The following CCSER1 variants were observed in gnomAD, a reference collection of about 807,000 sequenced individuals.
CCSER1 encodes the protein serine-rich coiled-coil domain-containing protein 1.
In CCSER1, 41 loss-of-function variants were observed where a neutral mutation model predicts 82.0. That is an observed-to-expected ratio of 0.50 (90% CI 0.39 to 0.65). The LOEUF (loss-of-function observed/expected upper bound fraction) is 0.65. Ranked by LOEUF, CCSER1 falls within the 30% of genes least tolerant of loss-of-function variation. The pLI is 0.00. For synonymous variants in CCSER1, 414 were observed against 383.9 expected (o/e 1.08, Z -0.92); for missense variants, 1,119 against 1,064.2 (o/e 1.05, Z -0.72).
At chr4:91,130,358 A>G (rs1727889506) in intron 10 of CCSER1, among the ~76,000 whole-genome samples, 10 of 151,956 alleles carry the variant, frequency 6.6e-5, no homozygotes, top group Admixed American at 6.6e-4. Flanking sequence ...ATTTGAATTT[A>G]TAAACTCTCC....
intron 9 of CCSER1, among the ~76,000 whole-genome samples, chr4:91,076,331 G>GTTT (rs60135071): frequency 2.7e-5 from 4 of 147,588 alleles, no homozygotes; most frequent in African/African-American, 7.5e-5. Flanking sequence ...CAACCATGCA[G>GTTT]TTTTTTTTTT....
intron 4 of CCSER1, among the ~76,000 whole-genome samples, chr4:90,466,831 A>G (rs1763708998): frequency 6.6e-6 from 1 of 152,212 alleles, no homozygotes; most frequent in Non-Finnish European, 1.5e-5. Context: ...AAACATGACT[A>G]TATCCTAGAA....
At chr4:91,485,735 C>A (rs1398061832) in intron 10 of CCSER1, among the ~76,000 whole-genome samples, 2 of 152,166 alleles carry the variant, frequency 1.3e-5, no homozygotes, top group Non-Finnish European at 1.5e-5. Context: ...GGCAGAAATT[C>A]TTGACTCTTA....
chr4:90,562,640 C>T (rs889829471), intron 5 of CCSER1, among the ~76,000 whole-genome samples: 27 of 151,916 alleles, frequency 1.8e-4, no homozygotes, highest in African/African-American at 2.4e-4. Context: ...CAGAATCAAA[C>T]GATTCTTCTG....
At chr4:90,707,616 C>T (rs1185257690) in intron 6 of CCSER1, among the ~76,000 whole-genome samples, 2 of 151,934 alleles carry the variant, frequency 1.3e-5, no homozygotes, top group Non-Finnish European at 2.9e-5. Context: ...CATCCATTAT[C>T]TCTCAAACTG....
rs931988200 is a variant in CCSER1 at position 91,132,902 on chromosome 4, C to T, written c.2217+46908C>T. Among the ~76,000 whole-genome samples the T allele has an allele frequency of 5.3e-5, 8 of 152,252 alleles. No homozygotes were observed. In the East Asian group the frequency reaches 1.4e-3, roughly 26 times the overall value. On this transcript the variant is annotated intron_variant, in intron 10 of 10. Transcript: ENST00000509176. ...TCTGCATTTTCATAACGTCAACAAG[C>T]AATATGAAATATTTACCACAATAAT...
At chr4:90,393,816 G>A (rs1314031249) in intron 3 of CCSER1, among the ~76,000 whole-genome samples, 3 of 116,948 alleles carry the variant, frequency 2.6e-5, no homozygotes, top group South Asian at 2.7e-4. Context: ...TTGCTCCATC[G>A]CCCATGCTGG....
intron 4 of CCSER1, among the ~76,000 whole-genome samples, chr4:90,407,966 A>G (rs1039072345): frequency 1.3e-5 from 2 of 152,154 alleles, no homozygotes; most frequent in Non-Finnish European, 2.9e-5. Context: ...GGGCCTAACA[A>G]ACGGCACACC....
intron 1 of CCSER1, among the ~76,000 whole-genome samples, chr4:90,303,095 A>G (rs1402306043): frequency 3.9e-5 from 6 of 152,204 alleles, no homozygotes; most frequent in South Asian, 2.1e-4. Flanking sequence ...GTAGATTTAT[A>G]TCTACTCCAG....
At chr4:90,972,268 A>T (rs9968476) in intron 9 of CCSER1, among the ~76,000 whole-genome samples, 18,687 of 151,846 alleles carry the variant, frequency 0.12, 1,340 homozygotes, top group East Asian at 0.24. Flanking sequence ...TAGAACTAAT[A>T]AATAAATTCA....
intron 5 of CCSER1, among the ~76,000 whole-genome samples, chr4:90,469,540 C>CACACACACAT (rs1560567715): frequency 1.3e-4 from 20 of 151,132 alleles, no homozygotes; most frequent in African/African-American, 4.9e-4. Context: ...CACACACACA[C>CACACACACAT]ACACACACAC....
At chr4:90,887,810 A>G (rs1200844743) in intron 8 of CCSER1, among the ~76,000 whole-genome samples, 2 of 152,156 alleles carry the variant, frequency 1.3e-5, no homozygotes, top group African/African-American at 4.8e-5. Context: ...TGAATCCGGG[A>G]GGCAGAGGTT....
At chr4:90,419,190 A>C (rs1756291069) in intron 4 of CCSER1, among the ~76,000 whole-genome samples, 1 of 151,956 alleles carries the variant, frequency 6.6e-6, no homozygotes, top group Admixed American at 6.6e-5. Context: ...TGAGGATGAA[A>C]TTGTGATCTC....
chr4:91,325,020 T>C (rs897687697), intron 10 of CCSER1: 7 of 371,710 alleles, frequency 1.9e-5, no homozygotes, highest in African/African-American at 4.3e-5. Flanking sequence ...GTTCTAGTGA[T>C]AGTGAATGGA....
chr4:91,021,547 A>G (rs1262072557), intron 9 of CCSER1, among the ~76,000 whole-genome samples: 3 of 152,232 alleles, frequency 2.0e-5, no homozygotes, highest in African/African-American at 4.8e-5. Context: ...GAGTCAAAGT[A>G]TAATTATTTT....
At chr4:90,957,572 T>TATTATATATTATATA (rs1561418104) in intron 9 of CCSER1, among the ~76,000 whole-genome samples, 105 of 133,444 alleles carry the variant, frequency 7.9e-4, no homozygotes, top group Middle Eastern at 3.6e-3. Context: ...TATATAATTA[T>TATTATATATTATATA]ATTATATAAT....
At chr4:91,057,482 G>A (rs1743557220) in intron 9 of CCSER1, among the ~76,000 whole-genome samples, 1 of 152,076 alleles carries the variant, frequency 6.6e-6, no homozygotes, top group African/African-American at 2.4e-5. Flanking sequence ...ACAGTAAGGA[G>A]GCTAACATAA....
intron 10 of CCSER1, among the ~76,000 whole-genome samples, chr4:91,133,689 A>T (rs1030694459): frequency 2.6e-5 from 4 of 152,198 alleles, no homozygotes. Flanking sequence ...TGATTCCACC[A>T]AGCACCCAAA....
chr4:90,665,510 A>G (rs1731593323), intron 6 of CCSER1, among the ~76,000 whole-genome samples: 3 of 151,956 alleles, frequency 2.0e-5, no homozygotes, highest in Admixed American at 6.6e-5. Flanking sequence ...TTTAGTAGAG[A>G]TGAGGTTTCA....
Sources: allele counts gnomAD v4.1 joint callset (sites outside exome capture counted in the v4.1 genomes callset), GRCh38; gene constraint gnomAD v4.1.1; transcripts MANE v1.5; gene names NCBI Gene and HGNC (gene_info 2026-07-23, HGNC 2026-07-21).